Variants in DMD observed in about 807,000 individuals in gnomAD.
DMD encodes the protein dystrophin.
DMD carries 63 observed loss-of-function variants against 330.1 expected under a neutral mutation model. The ratio of observed to expected loss-of-function variants is 0.19; its 90% CI spans 0.16 to 0.24. The LOEUF is 0.24. DMD is among the 10% of genes least tolerant of loss of function. The pLI is 1.00. For missense variants in DMD, 3,344 were observed against 2,684.1 expected, an observed-to-expected ratio of 1.25 and a Z score of -5.43; for synonymous variants, 1,223 against 959.8, an observed-to-expected ratio of 1.27 and a Z score of -5.07.
chrX:31,673,238 A>T (rs770514923), intron 53 of DMD, among the ~76,000 whole-genome samples: 1 of 112,056 alleles, frequency 8.9e-6, no homozygotes, highest in Non-Finnish European at 1.9e-5. Flanking sequence ...CAACTTAAAA[A>T]ACCTCAAACT....
At chrX:32,245,178 A>G (rs1474158895) in intron 43 of DMD, among the ~76,000 whole-genome samples, 3 of 96,809 alleles carry the variant, frequency 3.1e-5, no homozygotes, top group Non-Finnish European at 4.0e-5. Context: ...CTTTCTACAT[A>G]TGGCTAGCCA....
chrX:31,975,455 G>A (rs1184786366), intron 44 of DMD, among the ~76,000 whole-genome samples: 1 of 111,600 alleles, frequency 9.0e-6, no homozygotes, highest in African/African-American at 3.3e-5. Context: ...ACATTTAAGG[G>A]CTGTGTTTTT....
At chrX:31,730,299 T>G (rs1372008436) in intron 51 of DMD, among the ~76,000 whole-genome samples, 1 of 111,537 alleles carries the variant, frequency 9.0e-6, no homozygotes, top group African/African-American at 3.3e-5. Context: ...TCACCAAACC[T>G]TTTTGCCTCC....
At chrX:32,241,252 G>A (rs899710598) in intron 43 of DMD, among the ~76,000 whole-genome samples, 9 of 111,826 alleles carry the variant, frequency 8.0e-5, no homozygotes, top group African/African-American at 1.6e-4. Flanking sequence ...CATGTGCATC[G>A]CGTCCCGTGG....
chrX:32,301,192 A>G (rs1482799231), intron 42 of DMD, among the ~76,000 whole-genome samples: 6 of 100,668 alleles, frequency 6.0e-5, no homozygotes, highest in Non-Finnish European at 1.2e-4. Flanking sequence ...GCTCTTTCAT[A>G]CAATTGTTCT....
intron 1 of DMD, among the ~76,000 whole-genome samples, chrX:33,138,513 T>C (rs2047632674): frequency 8.9e-6 from 1 of 112,216 alleles, no homozygotes; most frequent in African/African-American, 3.2e-5. Context: ...GCATTAATAA[T>C]AGGGATATTG....
chrX:32,438,181 C>A, intron 29 of DMD, 60 bp downstream of exon 29: 1 of 1,120,494 alleles, frequency 8.9e-7, no homozygotes, highest in African/African-American at 1.8e-5. Context: ...TCTGAGAGGC[C>A]TGTATCTGCT....
At chrX:31,374,469 G>C (rs1409498740) in intron 60 of DMD, among the ~76,000 whole-genome samples, 1 of 108,539 alleles carries the variant, frequency 9.2e-6, no homozygotes, top group Non-Finnish European at 1.9e-5. Context: ...TGGCACATAC[G>C]CACCATGGAA....
intron 7 of DMD, among the ~76,000 whole-genome samples, chrX:32,760,490 TTTAA>T (rs1204119478): frequency 9.0e-6 from 1 of 111,592 alleles, no homozygotes; most frequent in African/African-American, 3.3e-5. Flanking sequence ...AGGTCCAGAA[TTTAA>T]AGGAACTGTA....
chrX:32,791,362 T>G (rs900067356), intron 7 of DMD, among the ~76,000 whole-genome samples: 4 of 111,171 alleles, frequency 3.6e-5, no homozygotes, highest in African/African-American at 1.3e-4. Flanking sequence ...CTGGACACAC[T>G]AACATCAATG....
intron 45 of DMD, among the ~76,000 whole-genome samples, chrX:31,934,448 T>A (rs1341632770): frequency 8.9e-6 from 1 of 112,155 alleles, no homozygotes; most frequent in Non-Finnish European, 1.9e-5. Context: ...TTCGCTTATT[T>A]TTACAAATGT....
At chrX:32,220,535 C>T (rs6631519) in intron 43 of DMD, among the ~76,000 whole-genome samples, 28,629 of 110,295 alleles carry the variant, frequency 0.26, 2,952 homozygotes, top group East Asian at 0.47. Context: ...TTAATAGGTG[C>T]TGTTAATAGC....
chrX:32,076,916 C>T (rs974390654), intron 44 of DMD, among the ~76,000 whole-genome samples: 2 of 111,011 alleles, frequency 1.8e-5, no homozygotes, highest in Admixed American at 9.6e-5. Flanking sequence ...TAGGGAAGAG[C>T]AGGAACAAGG....
chrX:32,504,490 G>T (rs2044410648), intron 18 of DMD, among the ~76,000 whole-genome samples: 1 of 109,921 alleles, frequency 9.1e-6, no homozygotes, highest in Admixed American at 9.8e-5. Flanking sequence ...ATCTGGGCAT[G>T]GTGGCAGGCA....
intron 55 of DMD, among the ~76,000 whole-genome samples, chrX:31,571,932 T>C (rs2075841578): frequency 9.0e-6 from 1 of 111,516 alleles, no homozygotes; most frequent in East Asian, 2.8e-4. Context: ...TGGAAACCTT[T>C]AGGTGGCCAA....
At chrX:31,553,699 T>C (rs142812962) in intron 55 of DMD, among the ~76,000 whole-genome samples, 5,456 of 112,314 alleles carry the variant, frequency 0.049, 94 homozygotes, top group South Asian at 0.075. Flanking sequence ...ATCATTACCA[T>C]TATGTTGAAA....
At chrX:32,456,074 A>C (rs973122096) in intron 25 of DMD, among the ~76,000 whole-genome samples, 5 of 88,417 alleles carry the variant, frequency 5.7e-5, no homozygotes, top group Non-Finnish European at 1.1e-4. Flanking sequence ...AACATTATAC[A>C]TTTTAAGTAA....
intron 4 of DMD, among the ~76,000 whole-genome samples, chrX:32,837,251 C>T (rs2079730957): frequency 8.9e-6 from 1 of 111,928 alleles, no homozygotes; most frequent in Non-Finnish European, 1.9e-5. Context: ...AACTTCTTCA[C>T]CTCTTCTTTG....
intron 59 of DMD, among the ~76,000 whole-genome samples, chrX:31,458,152 G>A (rs904733543): frequency 1.8e-5 from 2 of 110,992 alleles, no homozygotes; most frequent in African/African-American, 6.5e-5. Context: ...ATCATATTCT[G>A]AGGCTGAAAA....
Sources: gnomAD v4.1 joint callset for allele counts (sites outside exome capture counted in the v4.1 genomes callset) on GRCh38, gnomAD v4.1.1 for gene constraint, MANE v1.5 for transcripts, NCBI Gene and HGNC (gene_info 2026-07-23, HGNC 2026-07-21) for gene names.